Variants in RSU1 observed in about 807,000 individuals in gnomAD.
RSU1 encodes rsu-1.
A neutral mutation model predicts 31.1 loss-of-function variants in RSU1; 26 were observed. That is an observed-to-expected ratio of 0.84 (90% CI 0.61 to 1.16). The LOEUF (loss-of-function observed/expected upper bound fraction) is 1.16, where lower values mean the gene tolerates loss of function less well. RSU1 is among the 50% of genes most tolerant of loss of function. The pLI, the probability that RSU1 is intolerant of heterozygous loss-of-function variation, is 0.00. For synonymous variants in RSU1, 164 were observed against 136.3 expected (o/e 1.20, Z -1.41); for missense variants, 320 against 339.1 (o/e 0.94, Z 0.44).
At chr10:16,781,115 C>T (rs191029554) in intron 3 of RSU1, among the ~76,000 whole-genome samples, 10 of 152,166 alleles carry the variant, frequency 6.6e-5, no homozygotes, top group Admixed American at 3.3e-4. Flanking sequence ...ACTCGGAAAG[C>T]TCCTTCACAA....
chr10:16,686,009 C>T (rs1835434575), intron 8 of RSU1, among the ~76,000 whole-genome samples: 1 of 152,162 alleles, frequency 6.6e-6, no homozygotes, highest in South Asian at 2.1e-4. Context: ...GTGAACATAA[C>T]TCACATTTAA....
intron 8 of RSU1, among the ~76,000 whole-genome samples, chr10:16,656,215 T>C (rs764226742): frequency 2.6e-5 from 4 of 152,110 alleles, no homozygotes; most frequent in Admixed American, 1.3e-4. Flanking sequence ...TTGACATGTA[T>C]CCTTCAAAGC....
intron 7 of RSU1, among the ~76,000 whole-genome samples, chr10:16,701,398 A>G (rs533821589): frequency 1.3e-5 from 2 of 152,318 alleles, no homozygotes; most frequent in East Asian, 1.9e-4. Context: ...CATCAACGCA[A>G]TGTAAGCTGG....
intron 8 of RSU1, among the ~76,000 whole-genome samples, chr10:16,599,994 A>G (rs1160988139): frequency 2.0e-5 from 3 of 152,198 alleles, no homozygotes; most frequent in African/African-American, 4.8e-5. Context: ...ATGGAACCCT[A>G]GAGCATCTCT....
chr10:16,695,014 T>A lies in RSU1; in HGVS notation c.731+9A>T. The A allele has an allele frequency of 6.2e-7, 1 of 1,601,660 alleles. No individual in the cohort carries two copies. ...AGTCTACTATTTCAGAAAATCAGAG[T>A]CTACTTACTATTTGTATGTCTCAGA... On this transcript the variant is annotated intron_variant, in intron 8 of 8. Coordinates refer to ENST00000345264, the MANE Select transcript of RSU1 (RefSeq NM_012425.4).
At chr10:16,663,252 C>T (rs1834920687) in intron 8 of RSU1, among the ~76,000 whole-genome samples, 1 of 152,154 alleles carries the variant, frequency 6.6e-6, no homozygotes, top group South Asian at 2.1e-4. Context: ...GCCCTACGTG[C>T]TCCTGTACAC....
At chr10:16,701,002 G>A (rs1312407858) in intron 7 of RSU1, among the ~76,000 whole-genome samples, 3 of 152,106 alleles carry the variant, frequency 2.0e-5, no homozygotes, top group Non-Finnish European at 4.4e-5. Flanking sequence ...AGAAGAAAAG[G>A]ATAATATTAA....
chr10:16,739,900 C>T (rs931465233), intron 7 of RSU1, among the ~76,000 whole-genome samples: 4 of 152,076 alleles, frequency 2.6e-5, no homozygotes, highest in East Asian at 1.9e-4. Context: ...CGTGAGCCAC[C>T]GTGCCCGGCC....
intron 8 of RSU1, among the ~76,000 whole-genome samples, chr10:16,600,541 A>T (rs1833699356): frequency 1.4e-5 from 2 of 145,100 alleles, no homozygotes; most frequent in Non-Finnish European, 3.0e-5. Flanking sequence ...ATGATTTTCT[A>T]TTACTGACAC....
intron 7 of RSU1, among the ~76,000 whole-genome samples, chr10:16,714,467 C>T (rs1397265757): frequency 6.6e-6 from 1 of 152,204 alleles, no homozygotes; most frequent in South Asian, 2.1e-4. Flanking sequence ...GAGGCTGCCA[C>T]AGGACCAACA....
Position 16,754,883 on chromosome 10 carries a change from A to T in RSU1, c.388T>A (p.Phe130Ile). 1 of 1,602,612 alleles carries T rather than the reference A, an allele frequency of 6.2e-7. No individual in the cohort carries two copies. The highest frequency in any genetic ancestry group is 1.1e-5 in the South Asian group (1 of 90,694). Residue 130 changes from phenylalanine to isoleucine, a missense_variant, in exon 5 of 9, where the codon TTC (phenylalanine) becomes ATC (isoleucine). Transcript: ENST00000345264. ...NLSENSLPGNFFYLTTLRALY... is the reference protein window; with the variant it reads ...NLSENSLPGNIFYLTTLRALY... ...GAAAGTTTCTTACTCAGGTAGAAGAAGTTTCCAGGAAGAGAATTTTCGCTC... is the reference window on the plus strand; with the variant it reads ...GAAAGTTTCTTACTCAGGTAGAAGATGTTTCCAGGAAGAGAATTTTCGCTC...
At chr10:16,746,674 T>A (rs1177483644) in intron 7 of RSU1, among the ~76,000 whole-genome samples, 1 of 144,994 alleles carries the variant, frequency 6.9e-6, no homozygotes, top group African/African-American at 2.8e-5. Flanking sequence ...ACTTTTTTTT[T>A]TTTTTTTTTT....
Position 16,813,761 on chromosome 10 carries a change from T to A in RSU1, c.109+3212A>T, listed in dbSNP as rs1838462511. Among the ~76,000 whole-genome samples the A allele has an allele frequency of 2.0e-5, 3 of 152,186 alleles. No homozygotes were observed. In the South Asian group the frequency reaches 6.2e-4, roughly 32 times the overall value. On this transcript the variant is annotated intron_variant, in intron 2 of 8. Transcript: ENST00000345264. ...TGGTAGGAAGTGAGCATTTCTAGAA[T>A]CTGGCTGGACTACTAGAAAACTGTA...
intron 8 of RSU1, among the ~76,000 whole-genome samples, chr10:16,658,331 C>T (rs1023116971): frequency 2.0e-5 from 3 of 152,166 alleles, no homozygotes; most frequent in Non-Finnish European, 4.4e-5. Context: ...ATCTGGGATG[C>T]AGTGGATTTT....
chr10:16,813,557 G>T (rs544734237), intron 2 of RSU1, among the ~76,000 whole-genome samples: 1 of 152,124 alleles, frequency 6.6e-6, no homozygotes, highest in African/African-American at 2.4e-5. Context: ...TGCATTTAAC[G>T]CAAACCATTA....
chr10:16,732,769 T>G (rs889141796), intron 7 of RSU1, among the ~76,000 whole-genome samples: 1 of 152,210 alleles, frequency 6.6e-6, no homozygotes, highest in Non-Finnish European at 1.5e-5. Context: ...TTCACTAGGT[T>G]AGTAGCTCTG....
intron 2 of RSU1, among the ~76,000 whole-genome samples, chr10:16,813,546 T>C (rs1439121308): frequency 6.6e-6 from 1 of 152,230 alleles, no homozygotes; most frequent in Non-Finnish European, 1.5e-5. Flanking sequence ...ATGTGCATTA[T>C]TGCATTTAAC....
At chr10:16,648,480 T>C (rs1834618799) in intron 8 of RSU1, among the ~76,000 whole-genome samples, 1 of 152,180 alleles carries the variant, frequency 6.6e-6, no homozygotes, top group African/African-American at 2.4e-5. Flanking sequence ...CAAAGTTTGC[T>C]ACGAGCCTCC....
chr10:16,683,737 G>A (rs1055238673), intron 8 of RSU1, among the ~76,000 whole-genome samples: 3 of 152,180 alleles, frequency 2.0e-5, no homozygotes, highest in African/African-American at 7.2e-5. Context: ...GTCCAAGGTG[G>A]TTGGGGCGCA....
Sources: allele counts gnomAD v4.1 joint callset (sites outside exome capture counted in the v4.1 genomes callset), GRCh38; gene constraint gnomAD v4.1.1; transcripts MANE v1.5; gene names NCBI Gene and HGNC (gene_info 2026-07-23, HGNC 2026-07-21).